NBAS: variants seen among roughly 807,000 people sequenced by gnomAD.
The protein encoded by NBAS is NAG/BC035112 fusion.
In NBAS, 219 loss-of-function variants were observed where a neutral mutation model predicts 302.5. That is an observed-to-expected ratio of 0.72 (90% CI 0.65 to 0.81). NBAS has a LOEUF of 0.81. NBAS is among the 30% of genes least tolerant of loss of function. NBAS has a pLI of 0.00. For synonymous variants in NBAS, 1,118 were observed against 1,021.6 expected, an observed-to-expected ratio of 1.09 and a Z score of -1.80; for missense variants, 2,932 against 2,841.6, an observed-to-expected ratio of 1.03 and a Z score of -0.72.
intron 7 of NBAS, 84 bp downstream of exon 7, chr2:15,539,139 C>T (rs539640727): frequency 1.9e-6 from 3 of 1,547,412 alleles, no homozygotes; most frequent in Admixed American, 1.7e-5. Flanking sequence ...TTGTATTATC[C>T]CCCCCTTCAC....
At chr2:15,200,166 T>A (rs1006694410) in intron 48 of NBAS, among the ~76,000 whole-genome samples, 1 of 152,108 alleles carries the variant, frequency 6.6e-6, no homozygotes, top group African/African-American at 2.4e-5. Flanking sequence ...CCCAGAGTTA[T>A]AAGCATGAGC....
chr2:15,071,334 A>G, the NBAS span, among the ~76,000 whole-genome samples: 1 of 152,148 alleles, frequency 6.6e-6, no homozygotes. Flanking sequence ...AGAAAGCCCC[A>G]CCACAAAGGG....
At chr2:15,191,762 G>C (rs986431979) in intron 48 of NBAS, among the ~76,000 whole-genome samples, 2 of 152,140 alleles carry the variant, frequency 1.3e-5, no homozygotes, top group Admixed American at 6.5e-5. Flanking sequence ...CTTGAGTTGG[G>C]AGTTTGGCAA....
the NBAS span, among the ~76,000 whole-genome samples, chr2:15,037,433 G>GA: frequency 1.3e-5 from 2 of 151,560 alleles, no homozygotes; most frequent in Middle Eastern, 3.4e-3. Context: ...CGCAAGGCGG[G>GA]GTACTACAAC....
chr2:15,377,991 A>C (rs969368864), intron 30 of NBAS, among the ~76,000 whole-genome samples: 16 of 152,202 alleles, frequency 1.1e-4, no homozygotes, highest in Admixed American at 2.0e-4. Context: ...ATCTGAGAAA[A>C]CAGGATAAGC....
At chr2:14,846,720 T>C in the NBAS span, among the ~76,000 whole-genome samples, 1 of 152,102 alleles carries the variant, frequency 6.6e-6, no homozygotes, top group African/African-American at 2.4e-5. Context: ...TTTGCTTGTT[T>C]ATGAAAAGAG....
In NBAS at chr2:15,468,503, G is replaced by A; in HGVS notation, c.1756C>T (p.His586Tyr). The A allele has an allele frequency of 6.2e-7, 1 of 1,614,034 alleles. No individual in the cohort carries two copies. Among genetic ancestry groups the A allele is most frequent in the Middle Eastern group, 1.6e-4 (1 of 6,062 alleles). ...TCAGGAACTCTTTCCAAACACTCAT[G>A]GAGAACCCAGGATCGCTTCTTTATT... ...SKIKKRSWVL[H>Y]ECLERVPENV... is the part of the protein sequence containing the mutation. Residue 586 changes from histidine to tyrosine, a missense_variant, in exon 17 of 52, where the codon CAT becomes TAT. Physicochemically the swap from His to Tyr is moderately conservative, Grantham distance 83. Coordinates refer to ENST00000281513, the MANE Select transcript of NBAS (RefSeq NM_015909.4).
Position 15,234,741 on chromosome 2 carries a change from G to C in NBAS, c.5950C>G (p.Leu1984Val). 6.2e-7 allele frequency: 1 copy of C among 1,613,996 alleles called. No homozygotes were observed. The highest frequency in any genetic ancestry group is 1.3e-5 in the African/African-American group (1 of 75,034). The part of the protein sequence containing the change: ...LSLKNSEQET[L>V]QKYSHLYDLS... The stretch of plus-strand genomic sequence containing the variant: ...TCATAGAGGTGACTGTATTTTTGCA[G>C]TGTTTCCTGTAAAGACATGGTAATC... The change falls in exon 46 of 52, where the codon CTG (leucine) becomes GTG (valine). Residue 1984 changes from leucine (L) to valine (V), a missense_variant. Leu to Val is a conservative substitution (Grantham distance 32). Transcript: ENST00000281513.
At chr2:15,508,639 C>CTG (rs1553328581) in intron 10 of NBAS, among the ~76,000 whole-genome samples, 2 of 93,854 alleles carry the variant, frequency 2.1e-5, no homozygotes, top group African/African-American at 8.4e-5. Flanking sequence ...TGCTTTATCT[C>CTG]TATGTGTGTG....
At chr2:15,251,313 G>A (rs1000861216) in intron 44 of NBAS, among the ~76,000 whole-genome samples, 1 of 152,172 alleles carries the variant, frequency 6.6e-6, no homozygotes, top group Non-Finnish European at 1.5e-5. Flanking sequence ...GTCGGCGGGT[G>A]GGGAGCTAGG....
the NBAS span, among the ~76,000 whole-genome samples, chr2:14,941,025 T>A: frequency 6.6e-6 from 1 of 152,352 alleles, no homozygotes; most frequent in East Asian, 1.9e-4. Flanking sequence ...ACTTGATAAC[T>A]CATTTGTGAA....
chr2:15,031,547 A>G, the NBAS span, among the ~76,000 whole-genome samples: 47 of 152,312 alleles, frequency 3.1e-4, 1 homozygote, highest in South Asian at 9.8e-3. Flanking sequence ...TGGATAAAAG[A>G]CAAGAGAGAG....
the NBAS span, among the ~76,000 whole-genome samples, chr2:14,970,851 C>T: frequency 6.6e-6 from 1 of 152,160 alleles, no homozygotes; most frequent in African/African-American, 2.4e-5. Flanking sequence ...GCCTCAGTCC[C>T]ACTGGGCTAT....
intron 35 of NBAS, among the ~76,000 whole-genome samples, chr2:15,350,650 A>G (rs920292996): frequency 6.6e-6 from 1 of 152,224 alleles, no homozygotes; most frequent in African/African-American, 2.4e-5. Context: ...AATTTTATTC[A>G]TAAGAATCTC....
At chr2:15,095,964 C>G in the NBAS span, among the ~76,000 whole-genome samples, 1 of 152,206 alleles carries the variant, frequency 6.6e-6, no homozygotes, top group Non-Finnish European at 1.5e-5. Flanking sequence ...GACTGCCCAG[C>G]TTCCCTGGTG....
chr2:14,899,923 G>C, the NBAS span, among the ~76,000 whole-genome samples: 1 of 152,122 alleles, frequency 6.6e-6, no homozygotes, highest in African/African-American at 2.4e-5. Flanking sequence ...CAAAGTAAAA[G>C]TTGGCTTACA....
intron 12 of NBAS, among the ~76,000 whole-genome samples, chr2:15,483,982 C>G (rs2148603431): frequency 6.6e-6 from 1 of 152,300 alleles, no homozygotes; most frequent in South Asian, 2.1e-4. Flanking sequence ...AAACTCTGCC[C>G]TACCTGGCTG....
chr2:15,011,248 G>T, the NBAS span, among the ~76,000 whole-genome samples: 1 of 152,106 alleles, frequency 6.6e-6, no homozygotes, highest in Non-Finnish European at 1.5e-5. Flanking sequence ...CTGTGGTCAG[G>T]TTGAAGTGCT....
At chr2:15,536,030 C>T (rs11694485) in intron 8 of NBAS, among the ~76,000 whole-genome samples, 96,994 of 152,030 alleles carry the variant, frequency 0.64, 31,664 homozygotes, top group Non-Finnish European at 0.68. Context: ...CATAACTCAC[C>T]AGCTGGTATA....
Sources: allele counts gnomAD v4.1 joint callset (sites outside exome capture counted in the v4.1 genomes callset), GRCh38; gene constraint gnomAD v4.1.1; transcripts MANE v1.5; gene names NCBI Gene and HGNC (gene_info 2026-07-23, HGNC 2026-07-21).